CENPK: variants seen among roughly 807,000 people sequenced by gnomAD.
CENPK encodes the protein centromere protein K, also known as SoxLZ/Sox6-binding protein Solt.
Under a neutral mutation model 40.9 loss-of-function variants are expected in CENPK, and 46 were observed. That is an observed-to-expected ratio of 1.13 (90% CI 0.89 to 1.44). The LOEUF (loss-of-function observed/expected upper bound fraction) is 1.44, where lower values mean the gene tolerates loss of function less well. Ranked by LOEUF, CENPK falls within the 40% of genes most tolerant of loss-of-function variation. CENPK has a pLI of 0.00. For missense variants in CENPK, 288 were observed against 303.5 expected, an observed-to-expected ratio of 0.95 and a Z score of 0.38; for synonymous variants, 107 against 104.4, an observed-to-expected ratio of 1.02 and a Z score of -0.15.
At chr5:65,526,258 G>T (rs1186642133) in intron 9 of CENPK, among the ~76,000 whole-genome samples, 2 of 152,170 alleles carry the variant, frequency 1.3e-5, no homozygotes, top group South Asian at 4.2e-4. Context: ...AAATAAATCA[G>T]TGAGTTGTTG....
At chr5:65,558,939 G>A (rs1467162059) in intron 2 of CENPK, among the ~76,000 whole-genome samples, 2 of 152,174 alleles carry the variant, frequency 1.3e-5, no homozygotes, top group African/African-American at 4.8e-5. Context: ...AAGGAATGAG[G>A]GTGAGTAAAA....
chr5:65,557,993 T>TATTC (rs1227998136), intron 2 of CENPK, among the ~76,000 whole-genome samples: 1 of 152,100 alleles, frequency 6.6e-6, no homozygotes, highest in Non-Finnish European at 1.5e-5. Flanking sequence ...TATTCCAAGG[T>TATTC]ATTCAGGAGC....
At chr5:65,514,440 T>C (rs183176462), downstream of CENPK, among the ~76,000 whole-genome samples, 1 of 151,982 alleles carries the variant, frequency 6.6e-6, no homozygotes, top group East Asian at 1.9e-4. Flanking sequence ...AATTTTTTAG[T>C]ATTTTTAGTA....
At chr5:65,540,010 C>T (rs1185896990) in intron 6 of CENPK, among the ~76,000 whole-genome samples, 1 of 152,184 alleles carries the variant, frequency 6.6e-6, no homozygotes, top group Non-Finnish European at 1.5e-5. Flanking sequence ...TTGCATTCTT[C>T]CATTGTCTTG....
chr5:65,551,182 C>T (rs1434174745), intron 5 of CENPK: 5 of 388,332 alleles, frequency 1.3e-5, no homozygotes, highest in African/African-American at 2.5e-5. Flanking sequence ...CCCGGGAGAT[C>T]GGGGCTGCAA....
chr5:65,524,210 C>G (rs1744255270), intron 9 of CENPK, among the ~76,000 whole-genome samples: 1 of 124,776 alleles, frequency 8.0e-6, no homozygotes, highest in Non-Finnish European at 1.7e-5. Context: ...CCCGTCTCTA[C>G]TAAAAGCATA....
chr5:65,549,084 T>C (rs1358538838), intron 5 of CENPK, among the ~76,000 whole-genome samples: 1 of 152,202 alleles, frequency 6.6e-6, no homozygotes, highest in Non-Finnish European at 1.5e-5. Flanking sequence ...TGAGGTGGCT[T>C]CTTGGTCCCT....
downstream of CENPK, among the ~76,000 whole-genome samples, chr5:65,516,561 T>C (rs1482647643): frequency 2.0e-5 from 3 of 152,178 alleles, no homozygotes; most frequent in South Asian, 2.1e-4. Context: ...TGAAAAATAA[T>C]AGCATGTATC....
At chr5:65,507,649 C>T in the CENPK span, among the ~76,000 whole-genome samples, 4 of 152,254 alleles carry the variant, frequency 2.6e-5, no homozygotes, top group East Asian at 7.7e-4. Flanking sequence ...TATCATGATA[C>T]AATTATGTGT....
At chr5:65,497,229 A>T in the CENPK span, among the ~76,000 whole-genome samples, 1 of 151,530 alleles carries the variant, frequency 6.6e-6, no homozygotes, top group African/African-American at 2.4e-5. Flanking sequence ...TTAGCTGGGC[A>T]TGGTGGCACA....
chr5:65,545,361 C>A (rs1008164572), intron 5 of CENPK, among the ~76,000 whole-genome samples: 2 of 150,188 alleles, frequency 1.3e-5, no homozygotes, highest in Non-Finnish European at 3.0e-5. Flanking sequence ...CACACACACA[C>A]ACACACACAC....
chr5:65,501,335 C>G, the CENPK span, among the ~76,000 whole-genome samples: 1 of 151,642 alleles, frequency 6.6e-6, no homozygotes, highest in Admixed American at 6.6e-5. Flanking sequence ...CCCACCACCA[C>G]GCCCAGCTAG....
intron 4 of CENPK, 73 bp downstream of exon 4, chr5:65,552,418 GAC>G (rs1156462831): frequency 5.5e-6 from 5 of 910,332 alleles, no homozygotes; most frequent in Non-Finnish European, 6.7e-6. Flanking sequence ...GAAAAATACA[GAC>G]ACACATATTT....
chr5:65,500,377 G>T, the CENPK span, among the ~76,000 whole-genome samples: 1 of 137,700 alleles, frequency 7.3e-6, no homozygotes, highest in South Asian at 2.6e-4. Flanking sequence ...GGTGTGAGAT[G>T]ATATCTCATA....
chr5:65,541,050 T>TAGGCTCAAGTGATCC (rs1349110765), intron 6 of CENPK, among the ~76,000 whole-genome samples: 1 of 152,128 alleles, frequency 6.6e-6, no homozygotes, highest in Non-Finnish European at 1.5e-5. Context: ...CTTGAACACT[T>TAGGCTCAAGTGATCC]AGGCTCAAGT....
At chr5:65,526,446 CAGAT>C (rs1289996295) in intron 9 of CENPK, among the ~76,000 whole-genome samples, 3 of 152,080 alleles carry the variant, frequency 2.0e-5, no homozygotes, top group African/African-American at 7.2e-5. Context: ...AAAAAGAACA[CAGAT>C]AGTAAAAACA....
At chr5:65,503,603 T>A in the CENPK span, among the ~76,000 whole-genome samples, 368 of 152,236 alleles carry the variant, frequency 2.4e-3, 2 homozygotes, top group African/African-American at 8.5e-3. Flanking sequence ...TTAAAATTTT[T>A]AAAAATATTT....
chr5:65,503,968 T>C, the CENPK span, among the ~76,000 whole-genome samples: 6 of 140,330 alleles, frequency 4.3e-5, no homozygotes, highest in Non-Finnish European at 7.7e-5. Flanking sequence ...CTAAAAAAAT[T>C]TTTTTTTTTA....
chr5:65,556,334 G>C (rs1489452141), intron 2 of CENPK, among the ~76,000 whole-genome samples: 1 of 152,004 alleles, frequency 6.6e-6, no homozygotes, highest in African/African-American at 2.4e-5. Context: ...AATTAGCTGG[G>C]TGAGGTGGCC....
Sources: gnomAD v4.1 joint callset for allele counts (sites outside exome capture counted in the v4.1 genomes callset) on GRCh38, gnomAD v4.1.1 for gene constraint, MANE v1.5 for transcripts, NCBI Gene and HGNC (gene_info 2026-07-23, HGNC 2026-07-21) for gene names.